The following DDX27 variants were observed in gnomAD, a reference collection of about 807,000 sequenced individuals.
DDX27 encodes the protein DEAD-box helicase 27, also known as probable ATP-dependent RNA helicase DDX27.
DDX27 carries 42 observed loss-of-function variants against 99.3 expected under a neutral mutation model. That is an observed-to-expected ratio of 0.42 (90% confidence interval 0.33 to 0.55). The LOEUF (loss-of-function observed/expected upper bound fraction) is 0.55. DDX27 is among the 20% of genes least tolerant of loss of function. DDX27 has a pLI of 0.07. For missense variants in DDX27, 798 were observed against 976.8 expected, an observed-to-expected ratio of 0.82 and a Z score of 2.44; for synonymous variants, 329 against 353.8, an observed-to-expected ratio of 0.93 and a Z score of 0.79.
At chr20:49,233,748 C>T (rs754614054) in intron 11 of DDX27, 39 bp downstream of exon 11, 2 of 1,600,522 alleles carry the variant, frequency 1.2e-6, no homozygotes, top group East Asian at 4.5e-5. Context: ...GTGGGCTGGT[C>T]AGCTTCCTTG....
At chr20:49,228,965 T>C (rs1212803265) in intron 8 of DDX27, 77 bp downstream of exon 8, 1 of 1,379,184 alleles carries the variant, frequency 7.3e-7, no homozygotes, top group South Asian at 1.5e-5. Flanking sequence ...CGCCATCTGT[T>C]GGTGTTGGTG....
intron 1 of DDX27, 137 bp downstream of exon 1, chr20:49,219,678 A>C (rs1416751638): frequency 2.2e-6 from 2 of 909,396 alleles, no homozygotes; most frequent in Non-Finnish European, 3.2e-6. Flanking sequence ...CGGGACCCCA[A>C]GATCTTCCTC....
At position 49,241,533 on chromosome 20, in the gene DDX27, C is replaced by T. The variant is rs184615612; in HGVS notation, c.1898-360C>T. On this transcript the variant is annotated intron_variant, in intron 16 of 20. Transcript: ENST00000618172. ...TGTCGCCCAGGCTGGAGTGCAGTGG[C>T]GCGATCTCAGCTCACTGCAGCCTCC... Among the ~76,000 whole-genome samples, 16 of 150,982 alleles carry T rather than the reference C, an allele frequency of 1.1e-4. No individual in the cohort carries two copies. The East Asian group carries it at 2.2e-3, about 20-fold the overall frequency.
chr20:49,236,271 C>CT lies in DDX27; in HGVS notation c.1509+45dup. The stretch of plus-strand genomic sequence containing the variant: ...TCTTCCTTGGACTTTTGGTGGAAGT[C>CT]TTTTTGCCTCTTCGCACCCCCCTTC... On this transcript the variant is annotated intron_variant, in intron 13 of 20. Transcript: ENST00000618172. The surrounding 1 kb of genome is among the most constrained non-coding windows in gnomAD (Gnocchi z 4.1). 1.3e-6 allele frequency: 2 copies of CT among 1,574,726 alleles called. No homozygotes were observed. The highest frequency in any genetic ancestry group is 1.7e-6 in the Non-Finnish European group (2 of 1,158,718).
At chr20:49,241,775 TG>T in intron 16 of DDX27, 117 bp from the exon 17 acceptor site, 1 of 1,153,268 alleles carries the variant, frequency 8.7e-7, no homozygotes, top group Non-Finnish European at 1.3e-6. Flanking sequence ...GGCCAAGAAG[TG>T]CTTGCCGCTT....
chr20:49,240,548 C>T (rs748454017), intron 16 of DDX27, among the ~76,000 whole-genome samples: 1 of 152,202 alleles, frequency 6.6e-6, no homozygotes, highest in Non-Finnish European at 1.5e-5. Flanking sequence ...CTGCCTCAGC[C>T]TCCTGAGTAG....
chr20:49,226,897 C>G (rs543750677), intron 7 of DDX27, among the ~76,000 whole-genome samples: 3 of 110,278 alleles, frequency 2.7e-5, no homozygotes, highest in African/African-American at 7.0e-5. Flanking sequence ...GAGTCTCGCT[C>G]TGTCGCCCAG....
chr20:49,242,530 C>A, intron 18 of DDX27, 64 bp from the exon 19 acceptor site: 1 of 1,499,262 alleles, frequency 6.7e-7, no homozygotes, highest in Non-Finnish European at 9.2e-7. Context: ...TTACCTTGAA[C>A]TTAAGGGGAT....
chr20:49,233,882 C>T lies in DDX27; in HGVS notation c.1273+173C>T. 3 of 680,922 alleles carry T rather than the reference C, an allele frequency of 4.4e-6. No individual in the cohort carries two copies. In the East Asian group the frequency reaches 8.3e-5, roughly 19 times the overall value. The allele number at this position is 680,922 out of a possible 1,614,324, so 42.2% of individuals were successfully genotyped here. ...TGCCTCTCTTCTCCACGGGTCCTTC[C>T]TCCCTTTGCTTTATCGCCTCACCAA... On this transcript the variant is annotated intron_variant, in intron 11 of 20. Coordinates refer to ENST00000618172, the MANE Select transcript of DDX27 (RefSeq NM_017895.8).
Position 49,228,842 on chromosome 20 carries a change from C to A in DDX27, c.834C>A (p.Thr278=), listed in dbSNP as rs988713068. 1 of 1,610,960 alleles carries A rather than the reference C, an allele frequency of 6.2e-7. No individual in the cohort carries two copies. The highest frequency in any genetic ancestry group is 8.5e-7 in the Non-Finnish European group (1 of 1,178,026). Residue 278 remains threonine (T), a synonymous_variant, in exon 8 of 21, where the codon ACC becomes ACA. Transcript: ENST00000618172. The part of the protein sequence containing the change: ...RELGIQVHSV[T]RQLAQFCNIT... ...TGGGCATCCAGGTGCACTCTGTCAC[C>A]AGACAGCTGGCCCAGTTCTGCAACA...
intron 7 of DDX27, among the ~76,000 whole-genome samples, chr20:49,227,392 A>G (rs1979936790): frequency 6.6e-6 from 1 of 152,056 alleles, no homozygotes; most frequent in African/African-American, 2.4e-5. Flanking sequence ...TTTGAGATGG[A>G]GTCTCACTCT....
intron 9 of DDX27, among the ~76,000 whole-genome samples, chr20:49,231,309 A>G (rs1980102767): frequency 1.3e-5 from 2 of 152,204 alleles, no homozygotes; most frequent in South Asian, 2.1e-4. Context: ...GGGCATGTCT[A>G]GTATATAGCA....
Position 49,221,603 on chromosome 20 carries a change from G to C in DDX27, c.240+5G>C. 1 of 1,592,332 alleles carries C rather than the reference G, an allele frequency of 6.3e-7. No homozygotes were observed. Among genetic ancestry groups the C allele is most frequent in the Non-Finnish European group, 8.6e-7 (1 of 1,168,410 alleles). ...ATGAGCCAACTCAAGAAGAAGGTGA[G>C]ACTGACAGTGATGGACAGCTCCAGA... is the stretch of plus-strand genomic sequence containing the variant. On this transcript the variant is annotated splice_donor_5th_base_variant and intron_variant, in intron 2 of 20. Transcript: ENST00000618172.
In DDX27 at chr20:49,221,570, C is replaced by A; in HGVS notation, c.212C>A (p.Ala71Asp). Residue 71 changes from alanine (A) to aspartate (D), a missense_variant, in exon 2 of 21, where the codon GCT becomes GAT. By Grantham distance (126) the Ala-to-Asp change is moderately radical (BLOSUM62 -2). Coordinates refer to ENST00000618172, the MANE Select transcript of DDX27 (RefSeq NM_017895.8). ...EGTYDGSWAL[A>D]DVMSQLKKKR... ...ACGTACGATGGCAGCTGGGCCCTGGCTGATGTCATGAGCCAACTCAAGAAG... is the reference window on the plus strand; with the variant it reads ...ACGTACGATGGCAGCTGGGCCCTGGATGATGTCATGAGCCAACTCAAGAAG... 6.2e-7 allele frequency: 1 copy of A among 1,609,222 alleles called. No individual in the cohort carries two copies.
intron 8 of DDX27, among the ~76,000 whole-genome samples, chr20:49,229,680 A>C (rs1980032265): frequency 5.4e-5 from 7 of 130,716 alleles, no homozygotes; most frequent in South Asian, 2.3e-4. Context: ...AGGAAGTCTC[A>C]CTCTGTTGCC....
Position 49,223,299 on chromosome 20 carries a change from A to G in DDX27, c.332A>G (p.Lys111Arg). 1 of 1,611,828 alleles carries G rather than the reference A, an allele frequency of 6.2e-7. No individual in the cohort carries two copies. The highest frequency in any genetic ancestry group is 1.1e-5 in the South Asian group (1 of 90,594). Residue 111 changes from lysine (K) to arginine (R), a missense_variant, in exon 4 of 21, where the codon AAG (lysine) becomes AGG (arginine). Coordinates refer to ENST00000618172, the MANE Select transcript of DDX27 (RefSeq NM_017895.8). ...GAAGCCAAGTCTGGGAAGTTGGAAAAGGAGAAAGAAGCAAAGGAAGGCTCT... is the reference window on the plus strand; with the variant it reads ...GAAGCCAAGTCTGGGAAGTTGGAAAGGGAGAAAGAAGCAAAGGAAGGCTCT... ...DKEAKSGKLE[K>R]EKEAKEGSEP...
At chr20:49,225,987 C>T (rs1979872807) in intron 6 of DDX27, among the ~76,000 whole-genome samples, 1 of 152,124 alleles carries the variant, frequency 6.6e-6, no homozygotes. Flanking sequence ...AGGGCCCTTG[C>T]ACTTTCTGTT....
At position 49,219,591 on chromosome 20, in the gene DDX27, C is replaced by T. The variant is rs767383949; in HGVS notation, c.93+50C>T. 1.2e-5 allele frequency: 18 copies of T among 1,536,876 alleles called. No homozygotes were observed. The South Asian group carries it at 2.2e-4, about 18-fold the overall frequency. On this transcript the variant is annotated intron_variant, in intron 1 of 20. Transcript: ENST00000618172. Reference sequence around the variant, plus strand: ...GGTTTCCTTGACTGCTTCCCTTCCTCGCGATTCCTCAGGTCCCTGTCCCCG... The same window carrying T: ...GGTTTCCTTGACTGCTTCCCTTCCTTGCGATTCCTCAGGTCCCTGTCCCCG...
chr20:49,238,078 G>C (rs1431304277), intron 14 of DDX27: 1 of 152,240 alleles, frequency 6.6e-6, no homozygotes, highest in Non-Finnish European at 1.5e-5. Flanking sequence ...GAGTGCAGTG[G>C]TGCGATCTCG....
Sources: gnomAD v4.1 joint callset for allele counts (sites outside exome capture counted in the v4.1 genomes callset) on GRCh38, gnomAD v4.1.1 for gene constraint, Gnocchi (gnomAD v3.1) non-coding constraint, MANE v1.5 for transcripts, NCBI Gene and HGNC (gene_info 2026-07-23, HGNC 2026-07-21) for gene names.